Variants in NYAP2 observed in about 807,000 individuals in gnomAD.
NYAP2 encodes neuronal tyrosine-phosphorylated phosphoinositide-3-kinase adapter 2.
In NYAP2, 23 loss-of-function variants were observed where a neutral mutation model predicts 50.4. The observed-to-expected ratio is 0.46, with a 90% CI of 0.33 to 0.65. NYAP2 has a LOEUF of 0.65. Among genes scored for constraint, NYAP2 ranks in the 30% least tolerant of loss-of-function variants. NYAP2 has a pLI of 0.02. For missense variants in NYAP2, 885 were observed against 861.0 expected (o/e 1.03, Z -0.35); for synonymous variants, 394 against 365.2 (o/e 1.08, Z -0.90).
intron 3 of NYAP2, among the ~76,000 whole-genome samples, chr2:225,427,811 AT>A (rs946582416): frequency 9.9e-5 from 15 of 152,236 alleles, no homozygotes; most frequent in African/African-American, 3.4e-4. Flanking sequence ...TTTTGAACAA[AT>A]GAGAATCTAA....
At chr2:225,612,535 TG>T in intron 5 of NYAP2, among the ~76,000 whole-genome samples, 1 of 152,040 alleles carries the variant, frequency 6.6e-6, no homozygotes, top group South Asian at 2.1e-4. Flanking sequence ...TACCATTGAG[TG>T]GGTGGTTTAA....
chr2:225,447,462 G>A (rs1689580641), intron 3 of NYAP2, among the ~76,000 whole-genome samples: 1 of 152,136 alleles, frequency 6.6e-6, no homozygotes, highest in Non-Finnish European at 1.5e-5. Context: ...TAGATGGAGA[G>A]AGTTCTACAT....
chr2:225,498,807 C>T (rs996916366), intron 3 of NYAP2, among the ~76,000 whole-genome samples: 1 of 152,038 alleles, frequency 6.6e-6, no homozygotes, highest in African/African-American at 2.4e-5. Flanking sequence ...AGCATTTGTT[C>T]TCTGTGACTG....
intron 5 of NYAP2, among the ~76,000 whole-genome samples, chr2:225,584,049 AAAAAC>A (rs1248449261): frequency 1.3e-5 from 2 of 152,114 alleles, no homozygotes; most frequent in Non-Finnish European, 2.9e-5. Context: ...CTCAAAAACA[AAAAAC>A]AAACAAAAAA....
chr2:225,614,851 T>G (rs986491188), intron 5 of NYAP2, among the ~76,000 whole-genome samples: 4 of 152,178 alleles, frequency 2.6e-5, no homozygotes, highest in Non-Finnish European at 5.9e-5. Flanking sequence ...TTCCAAAACC[T>G]CAGCAGTGTA....
chr2:225,411,898 GA>G (rs1695048029), intron 3 of NYAP2, among the ~76,000 whole-genome samples: 1 of 151,356 alleles, frequency 6.6e-6, no homozygotes, highest in Non-Finnish European at 1.5e-5. Flanking sequence ...GTTCACAACA[GA>G]ATGAAAATAA....
chr2:225,663,116 T>G, the NYAP2 span, among the ~76,000 whole-genome samples: 3 of 152,146 alleles, frequency 2.0e-5, no homozygotes, highest in African/African-American at 7.3e-5. Context: ...CTGTTTTTAC[T>G]GTAAGCATGC....
At chr2:225,573,125 A>G (rs190896774) in intron 4 of NYAP2, among the ~76,000 whole-genome samples, 15 of 151,196 alleles carry the variant, frequency 9.9e-5, no homozygotes, top group Middle Eastern at 3.4e-3. Flanking sequence ...AAATGATATT[A>G]TTTTTTCAAT....
intron 5 of NYAP2, among the ~76,000 whole-genome samples, chr2:225,607,699 T>TTCTA (rs10672749): frequency 6.6e-6 from 1 of 151,870 alleles, no homozygotes; most frequent in East Asian, 1.9e-4. Flanking sequence ...TATCAGTTGT[T>TTCTA]TATCAAAAGA....
intron 4 of NYAP2, among the ~76,000 whole-genome samples, chr2:225,579,148 C>A (rs1033045136): frequency 3.3e-5 from 5 of 151,740 alleles, no homozygotes; most frequent in African/African-American, 1.2e-4. Context: ...TATAATCAAT[C>A]ACATCATGAG....
chr2:225,670,501 C>T, the NYAP2 span, among the ~76,000 whole-genome samples: 2 of 149,174 alleles, frequency 1.3e-5, no homozygotes, highest in South Asian at 4.2e-4. Flanking sequence ...AAGACCCTTA[C>T]AAATTAATGG....
intron 5 of NYAP2, among the ~76,000 whole-genome samples, chr2:225,621,055 G>A (rs905135225): frequency 5.3e-5 from 8 of 151,144 alleles, no homozygotes; most frequent in South Asian, 2.1e-4. Context: ...CGGAGCTTGC[G>A]GTGAGCTGAG....
At position 225,500,183 on chromosome 2, in the gene NYAP2, T is replaced by C. The variant is rs184563722; in HGVS notation, c.222-13188T>C. ...CTTGTTAGTGAAATAGACCTTGAGGTATTATTCTGAGGGACTGGGTTCAGA... is the reference window on the plus strand; with the variant it reads ...CTTGTTAGTGAAATAGACCTTGAGGCATTATTCTGAGGGACTGGGTTCAGA... On this transcript the variant is annotated intron_variant, in intron 3 of 6. Coordinates refer to ENST00000636099, the Ensembl canonical transcript of NYAP2. Among the ~76,000 whole-genome samples, 9 of 152,246 alleles carry C rather than the reference T, an allele frequency of 5.9e-5. No individual in the cohort carries two copies. In the East Asian group the frequency reaches 1.4e-3, roughly 23 times the overall value.
intron 5 of NYAP2, among the ~76,000 whole-genome samples, chr2:225,625,623 T>C (rs1693195115): frequency 6.6e-6 from 1 of 152,100 alleles, no homozygotes; most frequent in Non-Finnish European, 1.5e-5. Flanking sequence ...GAAAACAGCA[T>C]TGTTTTTATT....
intron 3 of NYAP2, among the ~76,000 whole-genome samples, chr2:225,499,789 A>G (rs1228828744): frequency 6.6e-6 from 1 of 152,188 alleles, no homozygotes. Flanking sequence ...TGCTCAATAG[A>G]TGTTTGTGAA....
At chr2:225,542,252 C>A (rs1691487430) in intron 4 of NYAP2, among the ~76,000 whole-genome samples, 1 of 151,936 alleles carries the variant, frequency 6.6e-6, no homozygotes, top group Admixed American at 6.6e-5. Context: ...AGTTGGATGC[C>A]TTTTATTTAG....
At position 225,503,764 on chromosome 2, in the gene NYAP2, A is replaced by G. The variant is rs144861561; in HGVS notation, c.222-9607A>G. Reference sequence around the variant, plus strand: ...ACCCTAAGCTCTAACATTCATAAAAATCTTAAATTATCATGGTGTTTGATA... The same window carrying G: ...ACCCTAAGCTCTAACATTCATAAAAGTCTTAAATTATCATGGTGTTTGATA... On this transcript the variant is annotated intron_variant, in intron 3 of 6. Coordinates refer to ENST00000636099, the Ensembl canonical transcript of NYAP2. Among the ~76,000 whole-genome samples the G allele has an allele frequency of 2.8e-4, 42 of 152,348 alleles. No individual in the cohort carries two copies. In the Middle Eastern group the frequency reaches 0.01, roughly 37 times the overall value.
At position 225,582,065 on chromosome 2, in the gene NYAP2, G is replaced by A. The variant is rs766378492; in HGVS notation, c.648G>A (p.Gly216=). ...ATGAAACGTACATCAAAAAGCATGGGCCCCGGAGGACGTCGCTGCCGCGGG... is the reference window on the plus strand; with the variant it reads ...ATGAAACGTACATCAAAAAGCATGGACCCCGGAGGACGTCGCTGCCGCGGG... Residue 216 remains glycine (G), a synonymous_variant, in exon 5 of 7, where the codon GGG becomes GGA. Coordinates refer to ENST00000636099, the Ensembl canonical transcript of NYAP2. The surrounding 1 kb of genome is among the most constrained non-coding windows in gnomAD (Gnocchi z 7.0). 1.2e-6 allele frequency: 2 copies of A among 1,614,036 alleles called. No homozygotes were observed. Among genetic ancestry groups the A allele is most frequent in the South Asian group, 1.1e-5 (1 of 91,086 alleles).
intron 3 of NYAP2, among the ~76,000 whole-genome samples, chr2:225,431,258 G>A (rs565584263): frequency 2.0e-5 from 3 of 152,254 alleles, no homozygotes; most frequent in East Asian, 3.9e-4. Context: ...TCACAGTTAC[G>A]TGATCTCCAT....
Sources: gnomAD v4.1 joint callset for allele counts (sites outside exome capture counted in the v4.1 genomes callset) on GRCh38, gnomAD v4.1.1 for gene constraint, Gnocchi (gnomAD v3.1) non-coding constraint, MANE v1.5 for transcripts, NCBI Gene and HGNC (gene_info 2026-07-23, HGNC 2026-07-21) for gene names.